The following VSTM4 variants were observed in gnomAD, a reference collection of about 807,000 sequenced individuals.
VSTM4 encodes V-set and transmembrane domain containing 4.
VSTM4 carries 20 observed loss-of-function variants against 36.4 expected under a neutral mutation model. The ratio of observed to expected loss-of-function variants is 0.55; its 90% CI spans 0.39 to 0.80. The LOEUF is 0.80. Among genes scored for constraint, VSTM4 ranks in the 30% least tolerant of loss-of-function variants. The probability of loss-of-function intolerance (pLI) is 0.00; values close to 1 mark genes in which losing one functional copy is unlikely to be tolerated. For synonymous variants in VSTM4, 182 were observed against 173.9 expected, an observed-to-expected ratio of 1.05 and a Z score of -0.37; for missense variants, 392 against 404.5, an observed-to-expected ratio of 0.97 and a Z score of 0.26.
rs548980860 is a variant in VSTM4 at position 49,022,111 on chromosome 10, T to A, written c.838-2336A>T. Reference sequence around the variant, plus strand: ...TTTGGATTTTGTAGTAGGCATTTTTTAATGCATTTATTTTTTTTTATTTAA... The same window carrying A: ...TTTGGATTTTGTAGTAGGCATTTTTAAATGCATTTATTTTTTTTTATTTAA... On this transcript the variant is annotated intron_variant, in intron 7 of 7. Transcript: ENST00000332853. Among the ~76,000 whole-genome samples the A allele has an allele frequency of 7.8e-4, 109 of 140,504 alleles. 2 individuals are homozygous for A. The South Asian group carries it at 0.016, about 21-fold the overall frequency. The allele number at this position is 140,504 out of a possible 152,430, so 92.2% of individuals were successfully genotyped here.
At chr10:49,024,703 C>G (rs1843231234) in intron 7 of VSTM4, among the ~76,000 whole-genome samples, 1 of 152,162 alleles carries the variant, frequency 6.6e-6, no homozygotes, top group Admixed American at 6.5e-5. Flanking sequence ...CTGAACAAAT[C>G]AGTGTTTCAG....
intron 4 of VSTM4, among the ~76,000 whole-genome samples, chr10:49,068,442 C>T (rs1427763110): frequency 1.3e-5 from 2 of 152,168 alleles, no homozygotes; most frequent in Non-Finnish European, 2.9e-5. Context: ...TGAGGCCAGA[C>T]AGTGCCAGGG....
chr10:49,102,564 C>A, intron 2 of VSTM4: 2 of 985,432 alleles, frequency 2.0e-6, no homozygotes, highest in Non-Finnish European at 2.4e-6. Context: ...AGTGGGAGAG[C>A]ACTCCATGGG....
chr10:49,076,420 A>G (rs1844179204), intron 4 of VSTM4, among the ~76,000 whole-genome samples: 1 of 152,202 alleles, frequency 6.6e-6, no homozygotes, highest in Admixed American at 6.5e-5. Context: ...GCCTGTAAGT[A>G]AGGGAGCCAC....
At chr10:49,034,699 G>A (rs1463179431) in intron 7 of VSTM4, among the ~76,000 whole-genome samples, 1 of 151,988 alleles carries the variant, frequency 6.6e-6, no homozygotes, top group Non-Finnish European at 1.5e-5. Flanking sequence ...TGTTGATGAT[G>A]TTTTTCTTTT....
chr10:49,041,093 C>T (rs1843514476), intron 7 of VSTM4, among the ~76,000 whole-genome samples: 2 of 152,192 alleles, frequency 1.3e-5, no homozygotes, highest in South Asian at 2.1e-4. Context: ...ACCATCAAGA[C>T]CTATTGATCT....
At chr10:49,074,038 G>A (rs1391605083) in intron 4 of VSTM4, among the ~76,000 whole-genome samples, 1 of 152,198 alleles carries the variant, frequency 6.6e-6, no homozygotes, top group Non-Finnish European at 1.5e-5. Flanking sequence ...CAGCCCATCT[G>A]TGTCTGTCTA....
chr10:49,047,211 C>A (rs546996334), intron 6 of VSTM4, among the ~76,000 whole-genome samples, 167 bp from the exon 7 acceptor site: 87 of 152,238 alleles, frequency 5.7e-4, no homozygotes, highest in Non-Finnish European at 9.3e-4. Flanking sequence ...CGGGCGTGAT[C>A]CTCCCCTAGT....
At chr10:49,043,091 G>A (rs1037108003) in intron 7 of VSTM4, among the ~76,000 whole-genome samples, 1 of 152,182 alleles carries the variant, frequency 6.6e-6, no homozygotes, top group African/African-American at 2.4e-5. Flanking sequence ...TCATGTCAAA[G>A]AAGCAATGGG....
At chr10:49,092,948 G>A (rs1349125593) in intron 2 of VSTM4, among the ~76,000 whole-genome samples, 2 of 152,184 alleles carry the variant, frequency 1.3e-5, no homozygotes, top group African/African-American at 4.8e-5. Flanking sequence ...GCAGTCAGAA[G>A]AGAGCTGGGG....
intron 2 of VSTM4, among the ~76,000 whole-genome samples, chr10:49,096,804 G>A (rs138249326): frequency 7.0e-4 from 106 of 152,024 alleles, no homozygotes; most frequent in East Asian, 4.1e-3. Flanking sequence ...ACAGTCTCCC[G>A]CCACCATGCC....
chr10:49,065,565 G>C (rs1215185119), intron 4 of VSTM4, among the ~76,000 whole-genome samples: 1 of 152,190 alleles, frequency 6.6e-6, no homozygotes, highest in Non-Finnish European at 1.5e-5. Context: ...GAATTTTTCT[G>C]TCACCACATG....
intron 4 of VSTM4, among the ~76,000 whole-genome samples, chr10:49,074,232 C>T (rs981093981): frequency 6.6e-6 from 1 of 152,178 alleles, no homozygotes; most frequent in Non-Finnish European, 1.5e-5. Flanking sequence ...CTGATTTTTC[C>T]TTTAATTATA....
intron 5 of VSTM4, among the ~76,000 whole-genome samples, chr10:49,056,297 CA>C (rs1843777886): frequency 6.6e-6 from 1 of 152,234 alleles, no homozygotes; most frequent in Admixed American, 6.5e-5. Flanking sequence ...TTTGTGCTAA[CA>C]TTTTTTTACA....
chr10:49,030,977 T>C (rs944273358), intron 7 of VSTM4, among the ~76,000 whole-genome samples: 2 of 152,226 alleles, frequency 1.3e-5, no homozygotes, highest in Non-Finnish European at 1.5e-5. Context: ...TGGTCTAACA[T>C]GGTCATTCAT....
At chr10:49,020,721 G>A (rs1208862298) in intron 7 of VSTM4, among the ~76,000 whole-genome samples, 2 of 26,818 alleles carry the variant, frequency 7.5e-5, no homozygotes, top group Non-Finnish European at 1.4e-4. Context: ...AGGAAGGAAG[G>A]AAAGAAGAAG....
chr10:49,057,999 A>C (rs1244271333), intron 5 of VSTM4, among the ~76,000 whole-genome samples: 1 of 152,216 alleles, frequency 6.6e-6, no homozygotes, highest in African/African-American at 2.4e-5. Context: ...ATCACAGTAA[A>C]GCCTGTTCAT....
chr10:49,025,918 T>A (rs1248434680), intron 7 of VSTM4, among the ~76,000 whole-genome samples: 1 of 152,244 alleles, frequency 6.6e-6, no homozygotes, highest in Non-Finnish European at 1.5e-5. Flanking sequence ...GAAGCCACTT[T>A]TCTTTTGTTG....
At chr10:49,051,699 T>C (rs1843701326) in intron 5 of VSTM4, among the ~76,000 whole-genome samples, 1 of 152,204 alleles carries the variant, frequency 6.6e-6, no homozygotes, top group Non-Finnish European at 1.5e-5. Flanking sequence ...CCCAGCCTGA[T>C]AGCTCATTTC....
Sources: gnomAD v4.1 joint callset for allele counts (sites outside exome capture counted in the v4.1 genomes callset) on GRCh38, gnomAD v4.1.1 for gene constraint, MANE v1.5 for transcripts, NCBI Gene and HGNC (gene_info 2026-07-23, HGNC 2026-07-21) for gene names.